Variants in PCDHGB2 observed in about 807,000 individuals in gnomAD.
The protein encoded by PCDHGB2 is protocadherin gamma subfamily B, 2, also known as protocadherin gamma-B2.
In PCDHGB2, 55 loss-of-function variants were observed where a neutral mutation model predicts 59.3. The ratio of observed to expected loss-of-function variants is 0.93; its 90% CI spans 0.75 to 1.16. The LOEUF (loss-of-function observed/expected upper bound fraction) is 1.16. PCDHGB2 is among the 50% of genes most tolerant of loss of function. The probability of loss-of-function intolerance (pLI) is 0.00; values close to 1 mark genes in which losing one functional copy is unlikely to be tolerated. For missense variants in PCDHGB2, 1,228 were observed against 1,198.5 expected, an observed-to-expected ratio of 1.02 and a Z score of -0.36; for synonymous variants, 516 against 512.0, an observed-to-expected ratio of 1.01 and a Z score of -0.11.
Position 141,491,265 on chromosome 5 carries a change from CA to C in PCDHGB2, c.2422-3539del. ...AGGATGAGGACCCTGAGGAAATGCC[CA>C]AATCCAGTGACTTCCTCATACACCC... On this transcript the variant is annotated intron_variant, in intron 1 of 3. Coordinates refer to ENST00000522605, the MANE Select transcript of PCDHGB2 (RefSeq NM_018923.3). This position sits in a 1 kb window ranked among gnomAD's most constrained non-coding sequence, Gnocchi z 6.9. 1 of 1,614,074 alleles carries C rather than the reference CA, an allele frequency of 6.2e-7. No individual in the cohort carries two copies.
chr5:141,399,221 T>C (rs564668507), intron 1 of PCDHGB2: 1 of 1,613,960 alleles, frequency 6.2e-7, no homozygotes, highest in Non-Finnish European at 8.5e-7. Flanking sequence ...ATTGCTTTGA[T>C]CAAAATACAT....
chr5:141,441,772 TG>T, intron 1 of PCDHGB2: 1 of 388,268 alleles, frequency 2.6e-6, no homozygotes, highest in South Asian at 2.0e-5. Flanking sequence ...CGCGTGTTGG[TG>T]GACGACCTGA....
chr5:141,399,751 G>C, intron 1 of PCDHGB2: 1 of 1,613,322 alleles, frequency 6.2e-7, no homozygotes, highest in South Asian at 1.1e-5. Context: ...CAGCGCAAAC[G>C]TGAGCCTGCG....
intron 1 of PCDHGB2, chr5:141,416,112 T>C (rs555358881): frequency 6.4e-6 from 1 of 156,492 alleles, no homozygotes; most frequent in Non-Finnish European, 1.4e-5. Context: ...TTTTTCAAAC[T>C]ACATTTTATA....
chr5:141,431,256 C>T lies in PCDHGB2; in HGVS notation c.2422-63551C>T. The stretch of plus-strand genomic sequence containing the variant: ...TGGGATCCGGATATCGGGAAGAACT[C>T]TCTGCAGAGCTACGAGCTCAGCCCG... On this transcript the variant is annotated intron_variant, in intron 1 of 3. Transcript: ENST00000522605. This position sits in a 1 kb window ranked among gnomAD's most constrained non-coding sequence, Gnocchi z 4.8. The T allele has an allele frequency of 6.2e-7, 1 of 1,614,194 alleles. No homozygotes were observed. Among genetic ancestry groups the T allele is most frequent in the South Asian group, 1.1e-5 (1 of 91,088 alleles).
At chr5:141,443,872 A>G (rs1446612063) in intron 1 of PCDHGB2, among the ~76,000 whole-genome samples, 1 of 152,212 alleles carries the variant, frequency 6.6e-6, no homozygotes, top group South Asian at 2.1e-4. Context: ...AAAATTACTG[A>G]TAAGTCAAGA....
At chr5:141,419,422 C>T (rs374564347) in intron 1 of PCDHGB2, 9 of 1,613,378 alleles carry the variant, frequency 5.6e-6, no homozygotes, top group Non-Finnish European at 7.6e-6. Flanking sequence ...GCGCCTTCGA[C>T]CACGAGCAGC....
chr5:141,464,572 A>G (rs912710973), intron 1 of PCDHGB2, among the ~76,000 whole-genome samples: 5 of 152,148 alleles, frequency 3.3e-5, no homozygotes, highest in African/African-American at 1.2e-4. Flanking sequence ...CTACAAATAG[A>G]TGAGAATGTC....
chr5:141,399,719 G>C (rs773556952), intron 1 of PCDHGB2: 1 of 1,613,286 alleles, frequency 6.2e-7, no homozygotes, highest in Non-Finnish European at 8.5e-7. Context: ...CTACAGGCCC[G>C]CGACCAGGGC....
At chr5:141,393,285 G>A (rs771057124) in intron 1 of PCDHGB2, 2 of 1,613,966 alleles carry the variant, frequency 1.2e-6, no homozygotes, top group Non-Finnish European at 1.7e-6. Context: ...CCCAGAAGCT[G>A]TTGACCCGGA....
At chr5:141,410,481 G>A in intron 1 of PCDHGB2, 2 of 1,613,966 alleles carry the variant, frequency 1.2e-6, no homozygotes, top group Non-Finnish European at 1.7e-6. Context: ...GCACATACGG[G>A]TACAAAAGAG....
Position 141,432,394 on chromosome 5 carries a change from C to T in PCDHGB2, c.2422-62413C>T, listed in dbSNP as rs149830124. The T allele has an allele frequency of 1.7e-5, 27 of 1,614,260 alleles. No individual in the cohort carries two copies. The African/African-American group carries it at 2.7e-4, about 16-fold the overall frequency. On this transcript the variant is annotated intron_variant, in intron 1 of 3. Transcript: ENST00000522605. The surrounding 1 kb of genome is among the most constrained non-coding windows in gnomAD (Gnocchi z 6.0). ...ACGGGCACCCGCCCCTCAGCAGCAA[C>T]GTGTCGTTGAGCCTGTTCGTGCTGG...
chr5:141,497,954 G>A (rs1203635313), intron 2 of PCDHGB2, among the ~76,000 whole-genome samples: 7 of 152,198 alleles, frequency 4.6e-5, no homozygotes, highest in Non-Finnish European at 1.5e-5. Context: ...CTTTCTGTTG[G>A]CCAGGCAGTG....
rs551482869 is a variant in PCDHGB2, at chr5:141,372,722, A to G, written c.2421+10166A>G. On this transcript the variant is annotated intron_variant, in intron 1 of 3. Coordinates refer to ENST00000522605, the MANE Select transcript of PCDHGB2 (RefSeq NM_018923.3). ...TCAATATAAAGGCTGAAAATGCTGCACCACAAGATCTTCTATGTGATGAAG... is the reference window on the plus strand; with the variant it reads ...TCAATATAAAGGCTGAAAATGCTGCGCCACAAGATCTTCTATGTGATGAAG... The G allele has an allele frequency of 2.5e-6, 4 of 1,613,930 alleles. 1 individual carries two copies. In the South Asian group the frequency reaches 4.4e-5, roughly 18 times the overall value.
chr5:141,511,793 G>A lies in PCDHGB2; in HGVS notation c.*620G>A, dbSNP rs2099883948. The stretch of plus-strand genomic sequence containing the variant: ...TACTGATGCTTGCTGGATTTAGGGA[G>A]GGCATTTTGCTACCAAGCCTCTTCC... On this transcript the variant is annotated 3_prime_UTR_variant, in exon 4 of 4. Coordinates refer to ENST00000522605, the MANE Select transcript of PCDHGB2 (RefSeq NM_018923.3). 6.4e-6 allele frequency: 1 copy of A among 157,066 alleles called. No homozygotes were observed. The highest frequency in any genetic ancestry group is 2.4e-5 in the African/African-American group (1 of 41,492). 9.7% of individuals were successfully genotyped at this position (157,066 alleles called of 1,614,324 possible). A position where few individuals can be genotyped will look rare whatever the true frequency, so the allele number is the denominator to read the frequency against.
intron 1 of PCDHGB2, chr5:141,370,671 G>T (rs1767112872): frequency 2.5e-6 from 4 of 1,613,888 alleles, no homozygotes; most frequent in Non-Finnish European, 3.4e-6. Context: ...TATAGACCGA[G>T]AGGAGATTTG....
chr5:141,430,433 T>C (rs1371764261), intron 1 of PCDHGB2, among the ~76,000 whole-genome samples: 2 of 151,080 alleles, frequency 1.3e-5, no homozygotes, highest in Admixed American at 6.6e-5. Context: ...ATACGGTAGA[T>C]TTCCATCCCC....
At chr5:141,376,199 G>T in intron 1 of PCDHGB2, 3 of 1,614,162 alleles carry the variant, frequency 1.9e-6, no homozygotes, top group Non-Finnish European at 2.5e-6. Flanking sequence ...CGTCTTCCTG[G>T]CCTTCGTCAT....
intron 1 of PCDHGB2, among the ~76,000 whole-genome samples, chr5:141,482,178 C>T (rs950570560): frequency 2.6e-5 from 4 of 151,968 alleles, no homozygotes; most frequent in African/African-American, 4.8e-5. Context: ...TAAGGCTTTA[C>T]GATGCTCCAG....
Sources: allele counts gnomAD v4.1 joint callset (sites outside exome capture counted in the v4.1 genomes callset), GRCh38; gene constraint gnomAD v4.1.1; non-coding constraint Gnocchi (gnomAD v3.1); transcripts MANE v1.5; gene names NCBI Gene and HGNC (gene_info 2026-07-23, HGNC 2026-07-21).